Variants in VTI1B observed in about 807,000 individuals in gnomAD.
VTI1B encodes vesicle transport through interaction with t-SNAREs 1B, also known as vesicle transport through interaction with t-SNAREs homolog 1B.
A neutral mutation model predicts 28.6 loss-of-function variants in VTI1B; 18 were observed. That is an observed-to-expected ratio of 0.63 (90% CI 0.43 to 0.93). The LOEUF is 0.93. Ranked by LOEUF, VTI1B falls within the 40% of genes least tolerant of loss-of-function variation. The probability of loss-of-function intolerance (pLI) is 0.00; values close to 1 mark genes in which losing one functional copy is unlikely to be tolerated. For missense variants in VTI1B, 283 were observed against 297.0 expected (o/e 0.95, Z 0.35); for synonymous variants, 100 against 107.9 (o/e 0.93, Z 0.46).
chr14:67,648,229 A>AT lies in VTI1B; in HGVS notation c.*3155dup, dbSNP rs771219537. Reference sequence around the variant, plus strand: ...CAGCCTGTTAACTACATAGGTAAATATGCTAGAGTCTCTTGCCTGCAAAGG... The same window carrying AT: ...CAGCCTGTTAACTACATAGGTAAATATTGCTAGAGTCTCTTGCCTGCAAAGG... On this transcript the variant is annotated 3_prime_UTR_variant, in exon 6 of 6. Coordinates refer to ENST00000554659, the MANE Select transcript of VTI1B (RefSeq NM_006370.3). 9 of 1,572,434 alleles carry AT rather than the reference A, an allele frequency of 5.7e-6. No homozygotes were observed. The East Asian group carries it at 1.1e-4, about 20-fold the overall frequency.
In VTI1B at chr14:67,661,888, G is replaced by A. The variant is rs75423487; in HGVS notation, c.174+589C>T. Among the ~76,000 whole-genome samples, 558 of 152,218 alleles carry A rather than the reference G, an allele frequency of 3.7e-3. 1 individual carries two copies. The highest frequency in any genetic ancestry group is 6.4e-3 in the Non-Finnish European group (432 of 68,018). Reference sequence around the variant, plus strand: ...AACAGATTTTAGGCCAGGCACGGTGGCTCATGCCTTGTAATCCCTGTACTT... The same window carrying A: ...AACAGATTTTAGGCCAGGCACGGTGACTCATGCCTTGTAATCCCTGTACTT... On this transcript the variant is annotated intron_variant, in intron 2 of 5. Transcript: ENST00000554659.
chr14:67,658,109 T>G (rs978643166), intron 3 of VTI1B, among the ~76,000 whole-genome samples: 1 of 152,096 alleles, frequency 6.6e-6, no homozygotes, highest in South Asian at 2.1e-4. Context: ...AACCACTGAA[T>G]GAGGTTCAAA....
In VTI1B at chr14:67,666,723, C is replaced by A. The variant is rs149467856; in HGVS notation, c.116-4188G>T. On this transcript the variant is annotated intron_variant, in intron 1 of 5. Coordinates refer to ENST00000554659, the MANE Select transcript of VTI1B (RefSeq NM_006370.3). ...CCTTTACCACTGAGGACACTAGACC[C>A]TGGAGAAACTGAGTGCCTGCCCCAC... Among the ~76,000 whole-genome samples the A allele has an allele frequency of 2.1e-3, 314 of 152,270 alleles. 2 individuals carry two copies. The highest frequency in any genetic ancestry group is 5.1e-3 in the Admixed American group (78 of 15,294).
At chr14:67,655,984 G>A (rs776883112) in intron 4 of VTI1B, among the ~76,000 whole-genome samples, 7 of 152,118 alleles carry the variant, frequency 4.6e-5, no homozygotes, top group African/African-American at 1.2e-4. Flanking sequence ...AGTGGCTCAC[G>A]CCTATAATCC....
intron 5 of VTI1B, 168 bp from the exon 6 acceptor site, chr14:67,651,649 A>G (rs899040742): frequency 1.7e-6 from 1 of 600,596 alleles, no homozygotes; most frequent in Non-Finnish European, 2.8e-6. Context: ...TCACTTAGGG[A>G]TAACACTGTC....
At chr14:67,665,941 G>GCTATTAC (rs1443566076) in intron 1 of VTI1B, among the ~76,000 whole-genome samples, 1 of 152,180 alleles carries the variant, frequency 6.6e-6, no homozygotes, top group Non-Finnish European at 1.5e-5. Flanking sequence ...CACCAAGGCA[G>GCTATTAC]CTATTACTGT....
In VTI1B at chr14:67,656,592, G is replaced by C; in HGVS notation, c.367-3C>G. The stretch of plus-strand genomic sequence containing the variant: ...GCCCTTTGAGACTGTAGCCGATTCT[G>C]AAAGAAGTATGGAAGAGAAATGTTA... On this transcript the variant is annotated splice_polypyrimidine_tract_variant and splice_region_variant and intron_variant, in intron 3 of 5. Coordinates refer to ENST00000554659, the MANE Select transcript of VTI1B (RefSeq NM_006370.3). 1 of 1,597,250 alleles carries C rather than the reference G, an allele frequency of 6.3e-7. No individual in the cohort carries two copies. Among genetic ancestry groups the C allele is most frequent in the Non-Finnish European group, 8.5e-7 (1 of 1,172,108 alleles).
chr14:67,648,234 A>G lies in VTI1B; in HGVS notation c.*3151T>C, dbSNP rs778534550. On this transcript the variant is annotated 3_prime_UTR_variant, in exon 6 of 6. Coordinates refer to ENST00000554659, the MANE Select transcript of VTI1B (RefSeq NM_006370.3). ...TGTTAACTACATAGGTAAATATGCT[A>G]GAGTCTCTTGCCTGCAAAGGATCTT... 1 of 1,563,238 alleles carries G rather than the reference A, an allele frequency of 6.4e-7. No individual in the cohort carries two copies.
At chr14:67,666,981 A>G (rs1263397769) in intron 1 of VTI1B, among the ~76,000 whole-genome samples, 9 of 152,220 alleles carry the variant, frequency 5.9e-5, no homozygotes. Flanking sequence ...TACAAACAGC[A>G]AGGTGGCATC....
chr14:67,674,507 AGCAGCGG>A lies in VTI1B; in HGVS notation c.-25_-19del. On this transcript the variant is annotated 5_prime_UTR_variant, in exon 1 of 6. Transcript: ENST00000554659. Reference sequence around the variant, plus strand: ...GAGGCCATGGCGCAGGCCGCGCTGGAGCAGCGGCCACCGAGATTCGGGGCCCTGGGCC... The same window carrying A: ...GAGGCCATGGCGCAGGCCGCGCTGGACCACCGAGATTCGGGGCCCTGGGCC... The A allele has an allele frequency of 1.3e-6, 2 of 1,570,658 alleles. No homozygotes were observed. The highest frequency in any genetic ancestry group is 1.9e-5 in the Admixed American group (1 of 54,004).
rs2037129184 is a variant in VTI1B at position 67,648,405 on chromosome 14, A to G, written c.*2980T>C. ...ACCAAATTACACTAAGGTAATAATGAGTAAAAAATTGTATATTTAAACAAT... is the reference window on the plus strand; with the variant it reads ...ACCAAATTACACTAAGGTAATAATGGGTAAAAAATTGTATATTTAAACAAT... On this transcript the variant is annotated 3_prime_UTR_variant, in exon 6 of 6. Coordinates refer to ENST00000554659, the MANE Select transcript of VTI1B (RefSeq NM_006370.3). The G allele has an allele frequency of 2.5e-6, 1 of 401,804 alleles. No homozygotes were observed. The highest frequency in any genetic ancestry group is 4.3e-5 in the Admixed American group (1 of 23,512). 24.9% of individuals were successfully genotyped at this position (401,804 alleles called of 1,614,324 possible). A position where few individuals can be genotyped will look rare whatever the true frequency, so the allele number is the denominator to read the frequency against.
chr14:67,664,516 A>C (rs990488224), intron 1 of VTI1B, among the ~76,000 whole-genome samples: 1 of 145,328 alleles, frequency 6.9e-6, no homozygotes, highest in Admixed American at 6.9e-5. Flanking sequence ...TTTTTTCTTG[A>C]GACAGAGTCT....
At chr14:67,674,330 C>G in intron 1 of VTI1B, 45 bp downstream of exon 1, 1 of 1,487,172 alleles carries the variant, frequency 6.7e-7, no homozygotes, top group Non-Finnish European at 9.0e-7. Flanking sequence ...CCTTCCAAAG[C>G]GCGCAGGGCT....
chr14:67,653,620 A>C, intron 4 of VTI1B, 122 bp from the exon 5 acceptor site: 3 of 787,668 alleles, frequency 3.8e-6, no homozygotes, highest in Non-Finnish European at 6.1e-6. Flanking sequence ...AAATCAAGCC[A>C]ATTTAAATGA....
chr14:67,660,148 G>A, intron 2 of VTI1B: 1 of 431,036 alleles, frequency 2.3e-6, no homozygotes, highest in East Asian at 3.8e-5. Context: ...TGAACTGAAT[G>A]AATGAATGGA....
chr14:67,656,235 G>A (rs576602985), intron 4 of VTI1B, among the ~76,000 whole-genome samples, 181 bp downstream of exon 4: 10 of 143,932 alleles, frequency 6.9e-5, no homozygotes, highest in Admixed American at 5.7e-4. Flanking sequence ...GACACAGTGA[G>A]ACTCTATCTC....
chr14:67,651,556 T>G (rs2037177375), intron 5 of VTI1B, 75 bp from the exon 6 acceptor site: 1 of 1,523,850 alleles, frequency 6.6e-7, no homozygotes, highest in Admixed American at 1.9e-5. Flanking sequence ...GGGTTAGACC[T>G]GGGACCACGG....
At chr14:67,674,306 G>A (rs1229427354) in intron 1 of VTI1B, 69 bp downstream of exon 1, 5 of 1,394,984 alleles carry the variant, frequency 3.6e-6, no homozygotes, top group Non-Finnish European at 2.9e-6. Flanking sequence ...CTGGGAGGAA[G>A]GTGGGAGAAT....
Position 67,650,516 on chromosome 14 carries a change from T to C in VTI1B, c.*869A>G. On this transcript the variant is annotated 3_prime_UTR_variant, in exon 6 of 6. Coordinates refer to ENST00000554659, the MANE Select transcript of VTI1B (RefSeq NM_006370.3). ...TTATCTTAAAAGGTTTCTTTTAATC[T>C]ACTATAGCACAACAGTGTTTTAACT... 1.7e-6 allele frequency: 1 copy of C among 592,016 alleles called. No homozygotes were observed. 36.7% of individuals were successfully genotyped at this position (592,016 alleles called of 1,614,324 possible).
Sources: gnomAD v4.1 joint callset for allele counts (sites outside exome capture counted in the v4.1 genomes callset) on GRCh38, gnomAD v4.1.1 for gene constraint, MANE v1.5 for transcripts, NCBI Gene and HGNC (gene_info 2026-07-23, HGNC 2026-07-21) for gene names.